The following FREM1 variants were observed in gnomAD, a reference collection of about 807,000 sequenced individuals.
FREM1 encodes the protein FRAS1 related extracellular matrix 1.
A neutral mutation model predicts 210.1 loss-of-function variants in FREM1; 220 were observed. The ratio of observed to expected loss-of-function variants is 1.05; its 90% CI spans 0.94 to 1.17. The LOEUF (loss-of-function observed/expected upper bound fraction) is 1.17. Ranked by LOEUF, FREM1 falls within the 50% of genes most tolerant of loss-of-function variation. The pLI is 0.00. For synonymous variants in FREM1, 1,189 were observed against 980.2 expected, an observed-to-expected ratio of 1.21 and a Z score of -3.98; for missense variants, 3,454 against 2,675.5, an observed-to-expected ratio of 1.29 and a Z score of -6.42.
intron 27 of FREM1, 95 bp downstream of exon 27, chr9:14,769,629 T>C (rs1847156946): frequency 2.4e-6 from 3 of 1,267,058 alleles, no homozygotes; most frequent in Non-Finnish European, 3.3e-6. Flanking sequence ...TTTATCTTCT[T>C]GGGTTCTGTT....
intron 13 of FREM1, among the ~76,000 whole-genome samples, chr9:14,821,403 T>C (rs775950849): frequency 6.6e-6 from 1 of 152,218 alleles, no homozygotes; most frequent in Non-Finnish European, 1.5e-5. Flanking sequence ...ATCATCATTC[T>C]CCATCAAGAG....
intron 1 of FREM1, among the ~76,000 whole-genome samples, chr9:14,900,940 G>A (rs1838680880): frequency 6.6e-6 from 1 of 152,130 alleles, no homozygotes; most frequent in African/African-American, 2.4e-5. Flanking sequence ...TGCTAAATTA[G>A]CAAAATTGTC....
rs565793902 is a variant in FREM1 at position 14,836,929 on chromosome 9, G to A, written c.1881+4518C>T. Among the ~76,000 whole-genome samples, 4 of 152,172 alleles carry A rather than the reference G, an allele frequency of 2.6e-5. No homozygotes were observed. Among genetic ancestry groups the A allele is most frequent in the Non-Finnish European group, 5.9e-5 (4 of 68,030 alleles). ...GAAATTATTTTATGCAGATAGAGAG[G>A]AAAAGGGGTCCTTGGGTAGTTTTCG... On this transcript the variant is annotated intron_variant, in intron 10 of 36. Coordinates refer to ENST00000380880, the MANE Select transcript of FREM1 (RefSeq NM_001379081.2). This position sits in a 1 kb window ranked among gnomAD's most constrained non-coding sequence, Gnocchi z 4.9.
chr9:14,789,136 C>A, intron 22 of FREM1, 22 bp from the exon 23 acceptor site: 1 of 1,520,602 alleles, frequency 6.6e-7, no homozygotes, highest in Non-Finnish European at 8.9e-7. Flanking sequence ...CAGAGTTAGT[C>A]AGCTGCTCAT....
intron 1 of FREM1, among the ~76,000 whole-genome samples, chr9:14,880,251 A>G (rs528500999): frequency 2.2e-4 from 33 of 152,278 alleles, no homozygotes; most frequent in Middle Eastern, 3.4e-3. Context: ...TAGCAGCCTG[A>G]GCAGACTCAA....
At chr9:14,831,039 AC>A (rs1317832287) in intron 10 of FREM1, among the ~76,000 whole-genome samples, 1 of 152,104 alleles carries the variant, frequency 6.6e-6, no homozygotes, top group Non-Finnish European at 1.5e-5. Context: ...AACTTGGAGA[AC>A]CCCCCATTAC....
chr9:14,848,636 G>T, intron 7 of FREM1, 29 bp downstream of exon 7: 2 of 1,325,150 alleles, frequency 1.5e-6, no homozygotes, highest in Non-Finnish European at 1.1e-6. Context: ...TCAGGGCTAT[G>T]TTGCTCTATG....
chr9:14,805,971 C>A (rs907839616), intron 18 of FREM1, among the ~76,000 whole-genome samples: 2 of 152,162 alleles, frequency 1.3e-5, no homozygotes, highest in Non-Finnish European at 2.9e-5. Flanking sequence ...CCCTTTCCAC[C>A]AATATCTATT....
chr9:14,862,992 G>T (rs535083411), intron 3 of FREM1, among the ~76,000 whole-genome samples: 1 of 152,134 alleles, frequency 6.6e-6, no homozygotes, highest in African/African-American at 2.4e-5. Flanking sequence ...TATATGCGTA[G>T]GAGAAGAACT....
chr9:14,842,276 G>C, intron 9 of FREM1, 40 bp downstream of exon 9: 2 of 1,280,726 alleles, frequency 1.6e-6, no homozygotes, highest in Non-Finnish European at 2.2e-6. Context: ...CTATGGAAGA[G>C]TGAATTCCAT....
intron 7 of FREM1, among the ~76,000 whole-genome samples, chr9:14,846,531 AAAGAT>A (rs1564064723): frequency 6.6e-6 from 1 of 152,204 alleles, no homozygotes; most frequent in East Asian, 1.9e-4. Context: ...TTTTTTAAAA[AAAGAT>A]AAGAAAAGGG....
intron 1 of FREM1, among the ~76,000 whole-genome samples, chr9:14,881,557 A>T (rs1325739039): frequency 1.3e-5 from 2 of 152,224 alleles, no homozygotes; most frequent in African/African-American, 2.4e-5. Context: ...ACAATTTAGA[A>T]TGCCAAATAA....
intron 8 of FREM1, among the ~76,000 whole-genome samples, chr9:14,845,387 C>G (rs546780746): frequency 6.6e-6 from 1 of 152,038 alleles, no homozygotes; most frequent in South Asian, 2.1e-4. Context: ...TCACTGCAAC[C>G]TCTGCCGCCC....
intron 1 of FREM1, among the ~76,000 whole-genome samples, chr9:14,872,009 G>T (rs201401433): frequency 1.3e-4 from 20 of 152,144 alleles, no homozygotes; most frequent in African/African-American, 3.6e-4. Context: ...AGGGCTCTGT[G>T]CTGTTCCATT....
At chr9:14,861,052 T>A (rs1481164832) in intron 3 of FREM1, among the ~76,000 whole-genome samples, 4 of 72,922 alleles carry the variant, frequency 5.5e-5, no homozygotes, top group African/African-American at 2.9e-4. Flanking sequence ...TATACATATA[T>A]ACATATATAC....
chr9:14,766,491 A>T (rs951583675), intron 27 of FREM1, among the ~76,000 whole-genome samples: 3 of 152,086 alleles, frequency 2.0e-5, no homozygotes, highest in African/African-American at 7.2e-5. Context: ...CCAGGATGTG[A>T]TGCAGTTAAA....
chr9:14,789,510 T>A (rs1850942540), intron 22 of FREM1, among the ~76,000 whole-genome samples: 1 of 152,192 alleles, frequency 6.6e-6, no homozygotes, highest in Non-Finnish European at 1.5e-5. Context: ...TTAGTTCTTT[T>A]CATGTTCAAC....
At chr9:14,899,272 T>C (rs1363911063) in intron 1 of FREM1, among the ~76,000 whole-genome samples, 1 of 152,216 alleles carries the variant, frequency 6.6e-6, no homozygotes, top group Non-Finnish European at 1.5e-5. Context: ...CCCATGCCAG[T>C]GTGCCAGTGT....
At position 14,824,105 on chromosome 9, in the gene FREM1, C is replaced by G; in HGVS notation, c.2089G>C (p.Ala697Pro). Reference sequence around the variant, plus strand: ...CTGTCCACCATAAATAATTTCCCAGCATCCAAGTGTCTAAAGAGAAATACA... The same window carrying G: ...CTGTCCACCATAAATAATTTCCCAGGATCCAAGTGTCTAAAGAGAAATACA... Reference protein sequence around the residue: ...FFSFSHRHLDAGKLFMVDSIP... With the variant: ...FFSFSHRHLDPGKLFMVDSIP... The change falls in exon 12 of 37, where the codon GCT (alanine) becomes CCT (proline). Residue 697 changes from alanine to proline, a missense_variant. Transcript: ENST00000380880. 8 of 1,575,454 alleles carry G rather than the reference C, an allele frequency of 5.1e-6. No individual in the cohort carries two copies. Among genetic ancestry groups the G allele is most frequent in the Non-Finnish European group, 6.0e-6 (7 of 1,157,750 alleles).
Sources: allele counts gnomAD v4.1 joint callset (sites outside exome capture counted in the v4.1 genomes callset), GRCh38; gene constraint gnomAD v4.1.1; non-coding constraint Gnocchi (gnomAD v3.1); transcripts MANE v1.5; gene names NCBI Gene and HGNC (gene_info 2026-07-23, HGNC 2026-07-21).